SIPA1L3: variants seen among roughly 807,000 people sequenced by gnomAD.
The protein encoded by SIPA1L3 is signal-induced proliferation-associated 1-like protein 3.
A neutral mutation model predicts 150.1 loss-of-function variants in SIPA1L3; 59 were observed. The ratio of observed to expected loss-of-function variants is 0.39; its 90% CI spans 0.32 to 0.49. The LOEUF (loss-of-function observed/expected upper bound fraction) is 0.49. SIPA1L3 is among the 20% of genes least tolerant of loss of function. The probability of loss-of-function intolerance (pLI) is 0.86; values close to 1 mark genes in which losing one functional copy is unlikely to be tolerated. For missense variants in SIPA1L3, 2,211 were observed against 2,489.5 expected (o/e 0.89, Z 2.38); for synonymous variants, 1,070 against 1,077.6 (o/e 0.99, Z 0.14).
Position 38,110,322 on chromosome 19 carries a change from C to G in SIPA1L3, c.2229C>G (p.His743Gln). The change falls in exon 8 of 22, where the codon CAC becomes CAG. Residue 743 changes from histidine (H) to glutamine (Q), a missense_variant. Transcript: ENST00000222345. ...TCACCCCCAAGAACATCCGCTCCCA[C>G]TTCCAGCACGTCTTCATCATTGTCC... ...LPFTPKNIRS[H>Q]FQHVFIIVRV... 6 of 1,614,202 alleles carry G rather than the reference C, an allele frequency of 3.7e-6. No homozygotes were observed. Among genetic ancestry groups the G allele is most frequent in the Non-Finnish European group, 5.1e-6 (6 of 1,180,040 alleles).
intron 10 of SIPA1L3, among the ~76,000 whole-genome samples, chr19:38,136,583 G>A (rs1971442097): frequency 6.6e-6 from 1 of 152,086 alleles, no homozygotes; most frequent in African/African-American, 2.4e-5. Context: ...CAACAAGGGT[G>A]ACACAGCAAG....
intron 4 of SIPA1L3, among the ~76,000 whole-genome samples, chr19:38,098,196 TACC>T (rs1179513692): frequency 2.6e-5 from 4 of 152,180 alleles, no homozygotes; most frequent in Admixed American, 6.6e-5. Context: ...AAAACCTGAC[TACC>T]AGTAGCTAAA....
At chr19:38,111,896 T>C (rs1447615722) in intron 8 of SIPA1L3, among the ~76,000 whole-genome samples, 3 of 151,444 alleles carry the variant, frequency 2.0e-5, no homozygotes, top group South Asian at 4.2e-4. Flanking sequence ...CACAGGCACA[T>C]GCACACACAC....
chr19:38,104,002 A>G (rs532229866), intron 6 of SIPA1L3, among the ~76,000 whole-genome samples: 3 of 152,084 alleles, frequency 2.0e-5, no homozygotes, highest in African/African-American at 7.2e-5. Context: ...GTGGATGGGT[A>G]ATGTTCACAG....
At chr19:38,074,105 T>C (rs1468521830) in intron 2 of SIPA1L3, among the ~76,000 whole-genome samples, 1 of 152,130 alleles carries the variant, frequency 6.6e-6, no homozygotes, top group Non-Finnish European at 1.5e-5. Flanking sequence ...CAAGTGCTTT[T>C]AGGGAGGAGG....
At chr19:38,152,098 A>G (rs980403415) in intron 12 of SIPA1L3, among the ~76,000 whole-genome samples, 3 of 151,964 alleles carry the variant, frequency 2.0e-5, no homozygotes. Flanking sequence ...ACCTCTGTCT[A>G]GGGGATAACT....
In SIPA1L3 at chr19:38,142,467, G is replaced by GTCTGTCTGTCCGTCTGTCCATCCA. The variant is rs1568573312; in HGVS notation, c.3396-91_3396-68dup. 3 of 1,323,660 alleles carry GTCTGTCTGTCCGTCTGTCCATCCA rather than the reference G, an allele frequency of 2.3e-6. No individual in the cohort carries two copies. The Admixed American group carries it at 6.6e-5, about 29-fold the overall frequency. 82.0% of individuals were successfully genotyped at this position (1,323,660 alleles called of 1,614,324 possible). On this transcript the variant is annotated intron_variant, in intron 11 of 21. Coordinates refer to ENST00000222345, the MANE Select transcript of SIPA1L3 (RefSeq NM_015073.3). ...GGGCGGGGGAAAGTTCGGTTGGTCT[G>GTCTGTCTGTCCGTCTGTCCATCCA]TCTGTCTGTCCGTCTGTCCATCCAT... is the stretch of plus-strand genomic sequence containing the variant.
chr19:37,950,639 G>A (rs1035767149), intron 1 of SIPA1L3, among the ~76,000 whole-genome samples: 6 of 152,182 alleles, frequency 3.9e-5, no homozygotes, highest in African/African-American at 9.7e-5. Flanking sequence ...GGCCTGCCTC[G>A]CCTCTGTCAT....
chr19:38,036,609 G>T (rs544236598), intron 2 of SIPA1L3, among the ~76,000 whole-genome samples: 11 of 152,292 alleles, frequency 7.2e-5, no homozygotes, highest in Admixed American at 2.0e-4. Context: ...CACACCTTCC[G>T]GTCGGTGATC....
At chr19:37,940,407 AG>A (rs2046643679) in intron 1 of SIPA1L3, among the ~76,000 whole-genome samples, 2 of 152,202 alleles carry the variant, frequency 1.3e-5, no homozygotes, top group African/African-American at 4.8e-5. Context: ...AACGCTAAAT[AG>A]TTGAGTATCT....
Position 38,100,069 on chromosome 19 carries a change from C to G in SIPA1L3, c.1773C>G (p.Pro591=). ...PLKDALEYVI[P]ELNIHCLRLA... ...AGGATGCCCTGGAGTATGTCATCCC[C>G]GAGCTCAACATCCACTGCCTGCGGC... Residue 591 remains proline (P), a synonymous_variant, in exon 5 of 22, where the codon CCC becomes CCG. Coordinates refer to ENST00000222345, the MANE Select transcript of SIPA1L3 (RefSeq NM_015073.3). The G allele has an allele frequency of 1.9e-6, 3 of 1,612,578 alleles. No homozygotes were observed. Among genetic ancestry groups the G allele is most frequent in the Non-Finnish European group, 2.5e-6 (3 of 1,179,444 alleles).
At chr19:37,939,808 A>G (rs148870628) in intron 1 of SIPA1L3, among the ~76,000 whole-genome samples, 183 of 152,312 alleles carry the variant, frequency 1.2e-3, no homozygotes, top group African/African-American at 4.3e-3. Context: ...TGCTAAGTGA[A>G]AAGGGGAGAC....
chr19:38,168,141 C>T (rs1174164902), intron 15 of SIPA1L3, among the ~76,000 whole-genome samples: 1 of 152,154 alleles, frequency 6.6e-6, no homozygotes, highest in African/African-American at 2.4e-5. Context: ...AAACCCAGCA[C>T]TTTGGGAGGC....
intron 1 of SIPA1L3, among the ~76,000 whole-genome samples, chr19:38,010,943 C>T (rs1337414500): frequency 6.6e-6 from 1 of 152,174 alleles, no homozygotes; most frequent in African/African-American, 2.4e-5. Flanking sequence ...GACCAACAAA[C>T]AGGGTCTCTT....
intron 1 of SIPA1L3, among the ~76,000 whole-genome samples, chr19:37,956,540 G>A (rs2046813459): frequency 7.0e-6 from 1 of 141,984 alleles, no homozygotes; most frequent in African/African-American, 2.7e-5. Context: ...GGTTGGAGCA[G>A]TGGCACAATC....
chr19:37,975,878 G>A (rs1967062687), intron 1 of SIPA1L3, among the ~76,000 whole-genome samples: 1 of 152,106 alleles, frequency 6.6e-6, no homozygotes, highest in Non-Finnish European at 1.5e-5. Context: ...GCCGAGGCGG[G>A]TAGATCACTT....
At position 38,130,617 on chromosome 19, in the gene SIPA1L3, C is replaced by T. The variant is rs529504567; in HGVS notation, c.2988C>T (p.Ala996=). The T allele has an allele frequency of 1.4e-5, 23 of 1,613,800 alleles. No individual in the cohort carries two copies. The highest frequency in any genetic ancestry group is 1.4e-5 in the Non-Finnish European group (17 of 1,180,034). The part of the protein sequence containing the change: ...TVAEVEDYGF[A]WQAGLRQGSR... ...CCGAGGTTGAGGACTATGGGTTCGC[C>T]TGGCAGGCCGGCCTCCGGCAGGGCA... The change falls in exon 10 of 22, where the codon GCC becomes GCT. Residue 996 remains alanine (A), a synonymous_variant. Transcript: ENST00000222345.
chr19:37,917,566 T>C (rs56676595), intron 1 of SIPA1L3, among the ~76,000 whole-genome samples: 40,918 of 151,982 alleles, frequency 0.27, 6,320 homozygotes, highest in Non-Finnish European at 0.36. Flanking sequence ...TTGCTCAAAG[T>C]TGGGAAGTGG....
chr19:37,963,378 T>C (rs527633499), intron 1 of SIPA1L3, among the ~76,000 whole-genome samples: 21 of 152,332 alleles, frequency 1.4e-4, no homozygotes, highest in Non-Finnish European at 2.6e-4. Context: ...TGTGGCTATC[T>C]CATTCCCTGG....
Sources: gnomAD v4.1 joint callset for allele counts (sites outside exome capture counted in the v4.1 genomes callset) on GRCh38, gnomAD v4.1.1 for gene constraint, MANE v1.5 for transcripts, NCBI Gene and HGNC (gene_info 2026-07-23, HGNC 2026-07-21) for gene names.